The following CFAP46 variants were observed in gnomAD, a reference collection of about 807,000 sequenced individuals.
The protein encoded by CFAP46 is cilia- and flagella-associated protein 46.
A neutral mutation model predicts 325.7 loss-of-function variants in CFAP46; 245 were observed. That is an observed-to-expected ratio of 0.75 (90% confidence interval 0.68 to 0.84). CFAP46 has a LOEUF of 0.84. Ranked by LOEUF, CFAP46 falls within the 40% of genes least tolerant of loss-of-function variation. CFAP46 has a pLI of 0.00. For missense variants in CFAP46, 3,346 were observed against 3,543.0 expected (o/e 0.94, Z 1.41); for synonymous variants, 1,523 against 1,495.9 (o/e 1.02, Z -0.42).
chr10:132,904,275 C>G (rs1034758503), intron 22 of CFAP46, among the ~76,000 whole-genome samples: 5 of 152,254 alleles, frequency 3.3e-5, no homozygotes, highest in Admixed American at 3.3e-4. Flanking sequence ...CACATCATCT[C>G]CTGCTGAGCA....
In CFAP46 at chr10:132,817,951, G is replaced by A. The variant is rs915709218; in HGVS notation, c.7118-3037C>T. On this transcript the variant is annotated intron_variant, in intron 50 of 57. Transcript: ENST00000368586. The surrounding 1 kb of genome is among the most constrained non-coding windows in gnomAD (Gnocchi z 4.4). ...GGCCACGCCCTCCATCCTCACCGTC[G>A]GCAGCGCAGCCCCCAGGCTCCTTCT... 6.6e-5 allele frequency among the ~76,000 whole-genome samples: 10 copies of A among 152,174 alleles called. No homozygotes were observed. The highest frequency in any genetic ancestry group is 2.2e-4 in the African/African-American group (9 of 41,452).
At chr10:132,911,378 G>A (rs1029843443) in intron 19 of CFAP46, among the ~76,000 whole-genome samples, 2 of 152,224 alleles carry the variant, frequency 1.3e-5, no homozygotes, top group African/African-American at 2.4e-5. Flanking sequence ...TCCAGCCCGC[G>A]GTTTTATCCA....
chr10:132,817,286 G>T lies in CFAP46; in HGVS notation c.7118-2372C>A, dbSNP rs116080164. ...CTGAGAGTCAGACACCGGCCCTCCG[G>T]GTTACTCTTAAATATTTACTCATTT... On this transcript the variant is annotated intron_variant, in intron 50 of 57. Transcript: ENST00000368586. This position sits in a 1 kb window ranked among gnomAD's most constrained non-coding sequence, Gnocchi z 4.4. Among the ~76,000 whole-genome samples the T allele has an allele frequency of 8.9e-4, 135 of 152,240 alleles. 1 individual carries two copies. The highest frequency in any genetic ancestry group is 3.2e-3 in the African/African-American group (132 of 41,538).
intron 22 of CFAP46, among the ~76,000 whole-genome samples, chr10:132,904,617 C>T (rs1281399086): frequency 2.6e-5 from 4 of 152,250 alleles, no homozygotes; most frequent in Admixed American, 6.5e-5. Context: ...CGCCCAGCCC[C>T]CACATCCTCC....
At chr10:132,822,697 CTGTG>C (rs1328995568) in intron 50 of CFAP46, among the ~76,000 whole-genome samples, 2 of 118,780 alleles carry the variant, frequency 1.7e-5, no homozygotes, top group Admixed American at 9.2e-5. Flanking sequence ...CTGATGTGTG[CTGTG>C]TGAGTGCTGA....
chr10:132,869,483 C>A lies in CFAP46; in HGVS notation c.4512-111G>T. 1.5e-6 allele frequency: 1 copy of A among 646,600 alleles called. No individual in the cohort carries two copies. The highest frequency in any genetic ancestry group is 2.4e-6 in the Non-Finnish European group (1 of 416,820). The allele number at this position is 646,600 out of a possible 1,614,324, so 40.1% of individuals were successfully genotyped here. A position where few individuals can be genotyped will look rare whatever the true frequency, so the allele number is the denominator to read the frequency against. Reference sequence around the variant, plus strand: ...CGGTCAACTAACACATCGAGGCACACTTGGATGGTATTTTCAATCATTTTT... The same window carrying A: ...CGGTCAACTAACACATCGAGGCACAATTGGATGGTATTTTCAATCATTTTT... On this transcript the variant is annotated intron_variant, in intron 32 of 57. Transcript: ENST00000368586. The surrounding 1 kb of genome is among the most constrained non-coding windows in gnomAD (Gnocchi z 6.2).
At chr10:132,857,060 A>G (rs765455525) in intron 39 of CFAP46, among the ~76,000 whole-genome samples, 1 of 152,240 alleles carries the variant, frequency 6.6e-6, no homozygotes, top group Non-Finnish European at 1.5e-5. Context: ...CCCAGGGATC[A>G]TGAGGTTTTC....
Position 132,834,757 on chromosome 10 carries a change from C to T in CFAP46, c.6763G>A (p.Val2255Met). 9 of 1,612,386 alleles carry T rather than the reference C, an allele frequency of 5.6e-6. No homozygotes were observed. The highest frequency in any genetic ancestry group is 7.6e-6 in the Non-Finnish European group (9 of 1,179,246). Reference protein sequence around the residue: ...NIGSEPEGLQVEEKERPVQRL... With the variant: ...NIGSEPEGLQMEEKERPVQRL... ...TGCACAGGGCGCTCCTTCTCTTCCA[C>T]CTGCAGGCCTTCTGGTTCCTACCGC... Residue 2255 changes from valine (V) to methionine (M), a missense_variant, in exon 48 of 58, where the codon GTG becomes ATG. By Grantham distance (21) the Val-to-Met change is conservative. Coordinates refer to ENST00000368586, the MANE Select transcript of CFAP46 (RefSeq NM_001200049.3).
At chr10:132,837,747 G>A (rs1274893801) in intron 44 of CFAP46, among the ~76,000 whole-genome samples, 1 of 104,958 alleles carries the variant, frequency 9.5e-6, no homozygotes, top group Admixed American at 1.1e-4. Context: ...GTACACAGAT[G>A]CGCACGGACA....
Position 132,828,856 on chromosome 10 carries a change from C to T in CFAP46, c.7117+4502G>A, listed in dbSNP as rs188838867. ...ATGCCCTTCCTCCGCTCAGCGTCCTCGTCCCTTTGCCAGCCACCACCCGGC... is the reference window on the plus strand; with the variant it reads ...ATGCCCTTCCTCCGCTCAGCGTCCTTGTCCCTTTGCCAGCCACCACCCGGC... On this transcript the variant is annotated intron_variant, in intron 50 of 57. Coordinates refer to ENST00000368586, the MANE Select transcript of CFAP46 (RefSeq NM_001200049.3). The surrounding 1 kb of genome is among the most constrained non-coding windows in gnomAD (Gnocchi z 4.9). Among the ~76,000 whole-genome samples, 577 of 152,234 alleles carry T rather than the reference C, an allele frequency of 3.8e-3. 7 individuals carry two copies. The highest frequency in any genetic ancestry group is 0.013 in the African/African-American group (546 of 41,506).
chr10:132,925,276 T>C (rs1849793060), intron 10 of CFAP46, among the ~76,000 whole-genome samples: 1 of 152,206 alleles, frequency 6.6e-6, no homozygotes. Context: ...GGCCAGGATT[T>C]CAGTGGAGCA....
At chr10:132,821,635 G>GA (rs1847834179) in intron 50 of CFAP46, among the ~76,000 whole-genome samples, 1 of 144,880 alleles carries the variant, frequency 6.9e-6, no homozygotes, top group Non-Finnish European at 1.5e-5. Flanking sequence ...TGTGTGTGCT[G>GA]TGTGCTGTGT....
In CFAP46 at chr10:132,899,542, T is replaced by A; in HGVS notation, c.3049A>T (p.Ser1017Cys). 6.5e-7 allele frequency: 1 copy of A among 1,547,780 alleles called. No individual in the cohort carries two copies. Among genetic ancestry groups the A allele is most frequent in the African/African-American group, 1.4e-5 (1 of 73,082 alleles). ...CCCCTTAGAGCCACACACCTGGCGCTCTCCGTGAAGGCCTTGGCTGCCACC... is the reference window on the plus strand; with the variant it reads ...CCCCTTAGAGCCACACACCTGGCGCACTCCGTGAAGGCCTTGGCTGCCACC... ...RLVAAKAFTE[S>C]ARFGGIAGSS... The change falls in exon 23 of 58, where the codon AGC becomes TGC. Residue 1017 changes from serine to cysteine, a missense_variant. Physicochemically the swap from Ser to Cys is moderately radical, Grantham distance 112. Coordinates refer to ENST00000368586, the MANE Select transcript of CFAP46 (RefSeq NM_001200049.3).
intron 34 of CFAP46, among the ~76,000 whole-genome samples, chr10:132,867,120 A>C (rs955563851): frequency 6.6e-6 from 1 of 151,648 alleles, no homozygotes; most frequent in African/African-American, 2.4e-5. Flanking sequence ...ACAAACAGAC[A>C]CACAGGCCGG....
chr10:132,921,220 G>T (rs189256860), intron 13 of CFAP46, among the ~76,000 whole-genome samples: 10 of 152,296 alleles, frequency 6.6e-5, no homozygotes, highest in Non-Finnish European at 1.3e-4. Context: ...CCGGCTGCTG[G>T]GCACTGAGCT....
At chr10:132,837,597 GCA>G (rs1848277944) in intron 44 of CFAP46, among the ~76,000 whole-genome samples, 1 of 69,316 alleles carries the variant, frequency 1.4e-5, no homozygotes, top group Non-Finnish European at 2.7e-5. Context: ...ACACAGATGC[GCA>G]CGGACACACG....
chr10:132,878,891 G>A (rs943695584), intron 29 of CFAP46, among the ~76,000 whole-genome samples: 8 of 152,196 alleles, frequency 5.3e-5, no homozygotes, highest in Admixed American at 1.3e-4. Flanking sequence ...ACAGACGCAC[G>A]GGGAGGCCCC....
intron 24 of CFAP46, chr10:132,898,585 C>T: frequency 5.7e-6 from 2 of 350,968 alleles, no homozygotes; most frequent in Admixed American, 8.2e-5. Flanking sequence ...GCCCTGCCCT[C>T]TGCTTGCTGT....
chr10:132,850,872 G>A (rs144686763), intron 40 of CFAP46, among the ~76,000 whole-genome samples: 48 of 152,106 alleles, frequency 3.2e-4, no homozygotes, highest in African/African-American at 1.1e-3. Flanking sequence ...TTCATGAGTC[G>A]GGAAGGGCAG....
Sources: gnomAD v4.1 joint callset for allele counts (sites outside exome capture counted in the v4.1 genomes callset) on GRCh38, gnomAD v4.1.1 for gene constraint, Gnocchi (gnomAD v3.1) non-coding constraint, MANE v1.5 for transcripts, NCBI Gene and HGNC (gene_info 2026-07-23, HGNC 2026-07-21) for gene names.